NCKAP1: variants seen among roughly 807,000 people sequenced by gnomAD.
NCKAP1 encodes NCK associated protein 1, also known as nck-associated protein 1.
In NCKAP1, 21 loss-of-function variants were observed where a neutral mutation model predicts 151.2. That is an observed-to-expected ratio of 0.14 (90% CI 0.10 to 0.20). NCKAP1 has a LOEUF of 0.20. Ranked by LOEUF, NCKAP1 falls within the 10% of genes least tolerant of loss-of-function variation. The probability of loss-of-function intolerance (pLI) is 1.00; values close to 1 mark genes in which losing one functional copy is unlikely to be tolerated. For missense variants in NCKAP1, 933 were observed against 1,352.1 expected (o/e 0.69, Z 4.86); for synonymous variants, 484 against 451.8 (o/e 1.07, Z -0.90).
At chr2:182,955,385 A>G (rs771678403) in intron 20 of NCKAP1, among the ~76,000 whole-genome samples, 5 of 152,220 alleles carry the variant, frequency 3.3e-5, no homozygotes, top group Non-Finnish European at 7.3e-5. Flanking sequence ...TTGTCAAATA[A>G]ATAAAAATTT....
chr2:183,013,887 C>T (rs760637001), intron 2 of NCKAP1, among the ~76,000 whole-genome samples: 4 of 152,158 alleles, frequency 2.6e-5, no homozygotes, highest in Non-Finnish European at 4.4e-5. Flanking sequence ...GCCTTTGGAG[C>T]TGCGGTTCCT....
Position 182,924,758 on chromosome 2 carries a change from C to A in NCKAP1, c.*944G>T, listed in dbSNP as rs1696608149. The stretch of plus-strand genomic sequence containing the variant: ...AACATTTAAACAAATCATATAATAG[C>A]TGACCTGGTATCGAATGCTGTACTT... On this transcript the variant is annotated 3_prime_UTR_variant, in exon 31 of 31. Transcript: ENST00000361354. 6.6e-6 allele frequency: 1 copy of A among 151,978 alleles called. No individual in the cohort carries two copies. The highest frequency in any genetic ancestry group is 1.5e-5 in the Non-Finnish European group (1 of 67,950). 9.4% of individuals were successfully genotyped at this position (151,978 alleles called of 1,614,324 possible). A position where few individuals can be genotyped will look rare whatever the true frequency, so the allele number is the denominator to read the frequency against.
At chr2:183,029,437 T>C (rs1698962682) in intron 1 of NCKAP1, among the ~76,000 whole-genome samples, 1 of 151,970 alleles carries the variant, frequency 6.6e-6, no homozygotes, top group African/African-American at 2.4e-5. Flanking sequence ...TGTTACTATT[T>C]TTCCAAGAAC....
At chr2:182,947,749 TA>T (rs71008250) in intron 23 of NCKAP1, among the ~76,000 whole-genome samples, 15,432 of 152,140 alleles carry the variant, frequency 0.1, 1,114 homozygotes, top group African/African-American at 0.2. Context: ...TATAGGACGC[TA>T]AAAAAATTAG....
intron 25 of NCKAP1, 109 bp from the exon 26 acceptor site, chr2:182,934,941 T>C: frequency 1.7e-6 from 1 of 584,922 alleles, no homozygotes. Flanking sequence ...ATTATTTTAC[T>C]TTATCTACTT....
chr2:182,978,763 T>C, intron 14 of NCKAP1, 71 bp downstream of exon 14: 1 of 881,900 alleles, frequency 1.1e-6, no homozygotes, highest in South Asian at 2.5e-5. Flanking sequence ...AATTGGTAAA[T>C]TATCTCCTTA....
intron 18 of NCKAP1, among the ~76,000 whole-genome samples, chr2:182,959,049 T>A (rs961140077): frequency 2.0e-5 from 3 of 152,240 alleles, no homozygotes; most frequent in African/African-American, 7.2e-5. Flanking sequence ...GTATGGCTAC[T>A]ACAAAATTTT....
intron 23 of NCKAP1, among the ~76,000 whole-genome samples, chr2:182,945,143 G>T (rs1317079022): frequency 6.6e-6 from 1 of 152,118 alleles, no homozygotes; most frequent in African/African-American, 2.4e-5. Context: ...GCTGAGGCAG[G>T]AGAATCGCCT....
At chr2:182,927,024 T>C (rs1696662297) in intron 29 of NCKAP1, 119 bp from the exon 30 acceptor site, 2 of 643,908 alleles carry the variant, frequency 3.1e-6, no homozygotes, top group South Asian at 2.0e-5. Context: ...TATAAAATAA[T>C]GAGCAATTAA....
intron 8 of NCKAP1, among the ~76,000 whole-genome samples, chr2:182,993,543 A>T (rs1698209500): frequency 1.3e-5 from 2 of 152,184 alleles, no homozygotes; most frequent in South Asian, 4.1e-4. Context: ...AATAGTACAC[A>T]GCCATAATAA....
In NCKAP1 at chr2:182,956,599, A is replaced by C. The variant is rs1343931842; in HGVS notation, c.2022-6T>G. ...CAGTGTGCAATTTATCAAGGCTGAA[A>C]AAAATTAATAAACAGTTAAAATGTT... On this transcript the variant is annotated splice_region_variant and splice_polypyrimidine_tract_variant and intron_variant, in intron 19 of 30. Transcript: ENST00000361354. The C allele has an allele frequency of 5.0e-6, 8 of 1,595,386 alleles. No individual in the cohort carries two copies. The highest frequency in any genetic ancestry group is 3.6e-5 in the Admixed American group (2 of 56,130).
chr2:182,991,559 A>G (rs554565531), intron 8 of NCKAP1, among the ~76,000 whole-genome samples: 44 of 152,240 alleles, frequency 2.9e-4, no homozygotes, highest in African/African-American at 9.4e-4. Flanking sequence ...CTCAAGTCTC[A>G]AAAGAATAAA....
At chr2:182,998,475 A>T (rs1029976609) in intron 6 of NCKAP1, among the ~76,000 whole-genome samples, 29 of 152,174 alleles carry the variant, frequency 1.9e-4, no homozygotes, top group Non-Finnish European at 1.0e-4. Flanking sequence ...GGATACAAAA[A>T]TCAACATACA....
At chr2:183,005,128 A>C (rs1698446390) in intron 2 of NCKAP1, among the ~76,000 whole-genome samples, 1 of 152,218 alleles carries the variant, frequency 6.6e-6, no homozygotes. Context: ...AACATTAAAC[A>C]TTTAGAATTG....
intron 9 of NCKAP1, 115 bp downstream of exon 9, chr2:182,988,915 T>C (rs368547296): frequency 5.0e-5 from 42 of 842,774 alleles, no homozygotes; most frequent in Non-Finnish European, 7.0e-5. Flanking sequence ...AGTCAGATGG[T>C]ATAGGCTGTA....
chr2:182,951,674 A>G (rs1028126372), intron 23 of NCKAP1, among the ~76,000 whole-genome samples: 7 of 151,074 alleles, frequency 4.6e-5, no homozygotes, highest in Non-Finnish European at 1.0e-4. Context: ...AAACTAAAAT[A>G]TCAAGACTCA....
Position 182,989,143 on chromosome 2 carries a change from T to G in NCKAP1, c.834A>C (p.Thr278=). The part of the protein sequence containing the change: ...LCHGILNTDA[T]ALNLWKLALQ... ...GAGCTAGTTTCCAAAGGTTCAGTGC[T>G]GTAGCGTCAGTATTTAGGATCCCAT... The change falls in exon 9 of 31, where the codon ACA becomes ACC. Residue 278 remains threonine, a synonymous_variant. Transcript: ENST00000361354. 3 of 1,612,282 alleles carry G rather than the reference T, an allele frequency of 1.9e-6. No homozygotes were observed. The highest frequency in any genetic ancestry group is 2.5e-6 in the Non-Finnish European group (3 of 1,179,226).
At chr2:182,928,264 T>C (rs373550864) in intron 28 of NCKAP1, 38 bp from the exon 29 acceptor site, 14 of 1,374,574 alleles carry the variant, frequency 1.0e-5, no homozygotes, top group African/African-American at 1.0e-4. Flanking sequence ...GACCCCAAAA[T>C]AGCAAATAAT....
chr2:182,958,837 T>G (rs1022400810), intron 18 of NCKAP1, among the ~76,000 whole-genome samples: 2 of 152,210 alleles, frequency 1.3e-5, no homozygotes, highest in African/African-American at 4.8e-5. Context: ...CACTGTACAT[T>G]ACAGTAGCCA....
Sources: allele counts gnomAD v4.1 joint callset (sites outside exome capture counted in the v4.1 genomes callset), GRCh38; gene constraint gnomAD v4.1.1; transcripts MANE v1.5; gene names NCBI Gene and HGNC (gene_info 2026-07-23, HGNC 2026-07-21).